Variants in MAML3 observed in about 807,000 individuals in gnomAD.
MAML3 encodes the protein mastermind-like protein 3.
In MAML3, 27 loss-of-function variants were observed where a neutral mutation model predicts 101.9. That is an observed-to-expected ratio of 0.27 (90% CI 0.20 to 0.37). The LOEUF is 0.37. MAML3 is among the 10% of genes least tolerant of loss of function. The pLI is 1.00. For synonymous variants in MAML3, 501 were observed against 555.9 expected, an observed-to-expected ratio of 0.90 and a Z score of 1.39; for missense variants, 1,316 against 1,444.9, an observed-to-expected ratio of 0.91 and a Z score of 1.45.
intron 2 of MAML3, among the ~76,000 whole-genome samples, chr4:139,747,298 G>A (rs79302306): frequency 0.1 from 15,337 of 152,222 alleles, 1,002 homozygotes; most frequent in Non-Finnish European, 0.15. Context: ...TGCAGAGCGC[G>A]GGCAACTTTC....
At chr4:140,145,186 A>G (rs962341325) in intron 1 of MAML3, among the ~76,000 whole-genome samples, 1 of 152,224 alleles carries the variant, frequency 6.6e-6, no homozygotes, top group Non-Finnish European at 1.5e-5. Context: ...GATACACAGC[A>G]GTGTAACCTA....
At chr4:140,071,025 G>C (rs564229279) in intron 1 of MAML3, among the ~76,000 whole-genome samples, 17 of 152,326 alleles carry the variant, frequency 1.1e-4, no homozygotes, top group Non-Finnish European at 1.8e-4. Context: ...ACCTAAGGAG[G>C]AAGGCAGCAT....
At chr4:140,060,268 A>T (rs1314801021) in intron 1 of MAML3, among the ~76,000 whole-genome samples, 1 of 148,672 alleles carries the variant, frequency 6.7e-6, no homozygotes, top group Non-Finnish European at 1.5e-5. Flanking sequence ...CAGGAGGCTG[A>T]GGCAGGAGAA....
At chr4:139,968,588 GTAT>G (rs1734181715) in intron 1 of MAML3, among the ~76,000 whole-genome samples, 2 of 152,040 alleles carry the variant, frequency 1.3e-5, no homozygotes, top group African/African-American at 2.4e-5. Context: ...TGCTCTTTCT[GTAT>G]TAATTTACTT....
At chr4:139,823,435 G>T (rs1457979884) in intron 2 of MAML3, among the ~76,000 whole-genome samples, 1 of 152,144 alleles carries the variant, frequency 6.6e-6, no homozygotes, top group Non-Finnish European at 1.5e-5. Context: ...CAGGGCTGGA[G>T]CAACAAAGGC....
intron 1 of MAML3, among the ~76,000 whole-genome samples, chr4:139,893,418 A>C (rs1024649223): frequency 6.6e-6 from 1 of 151,968 alleles, no homozygotes; most frequent in Non-Finnish European, 1.5e-5. Flanking sequence ...GCTTTTTCAC[A>C]CTTTGGGGCA....
intron 1 of MAML3, among the ~76,000 whole-genome samples, chr4:140,126,174 T>TA (rs542556461): frequency 0.77 from 104,276 of 134,550 alleles, 42,409 homozygotes; most frequent in East Asian, 0.94. Flanking sequence ...AAGCATTGTT[T>TA]AAAAAAAAAA....
chr4:139,771,967 C>T (rs112110527), intron 2 of MAML3, among the ~76,000 whole-genome samples: 6,975 of 150,178 alleles, frequency 0.046, 192 homozygotes, highest in South Asian at 0.08. Flanking sequence ...AGTCCGGGCG[C>T]GGTGGCTCAC....
At chr4:140,058,899 C>G (rs928691210) in intron 1 of MAML3, among the ~76,000 whole-genome samples, 1 of 152,066 alleles carries the variant, frequency 6.6e-6, no homozygotes, top group Non-Finnish European at 1.5e-5. Context: ...CGGTATGAGA[C>G]AAATGAAAGA....
chr4:139,772,818 G>A (rs973159392), intron 2 of MAML3, among the ~76,000 whole-genome samples: 32 of 150,686 alleles, frequency 2.1e-4, no homozygotes, highest in African/African-American at 7.1e-4. Context: ...TATTGCTCAC[G>A]CCTGTAATCC....
chr4:139,811,248 G>A (rs1273598102), intron 2 of MAML3, among the ~76,000 whole-genome samples: 2 of 152,218 alleles, frequency 1.3e-5, no homozygotes, highest in African/African-American at 4.8e-5. Flanking sequence ...ACAGGGCAGA[G>A]CTGGAATTTG....
At chr4:139,977,477 T>C (rs1734363099) in intron 1 of MAML3, among the ~76,000 whole-genome samples, 1 of 152,160 alleles carries the variant, frequency 6.6e-6, no homozygotes, top group Admixed American at 6.5e-5. Context: ...GCTCTGCAAA[T>C]TGCATTGTTT....
intron 1 of MAML3, among the ~76,000 whole-genome samples, chr4:139,913,231 G>A (rs1236718461): frequency 6.6e-6 from 1 of 152,222 alleles, no homozygotes; most frequent in Non-Finnish European, 1.5e-5. Flanking sequence ...TCCTGGGGCA[G>A]AAATATGTGG....
chr4:140,048,590 G>A (rs1727219650), intron 1 of MAML3, among the ~76,000 whole-genome samples: 2 of 152,182 alleles, frequency 1.3e-5, no homozygotes, highest in Non-Finnish European at 2.9e-5. Context: ...GGTAACTTGG[G>A]TCTGATGTTG....
chr4:139,896,044 T>C (rs1357534613), intron 1 of MAML3, among the ~76,000 whole-genome samples: 2 of 152,248 alleles, frequency 1.3e-5, no homozygotes, highest in Non-Finnish European at 2.9e-5. Context: ...GCATCCCTTC[T>C]GTCTGCCTCA....
At position 140,153,132 on chromosome 4, in the gene MAML3, C is replaced by T. The variant is rs1729206580; in HGVS notation, c.196G>A (p.Ala66Thr). ...ACCACGGTGCTGTGCTTGGGAACGG[C>T]CGCCGAACCGCCGCCGGGGCCCCCG... ...GSGGPGGGSA[A>T]VPKHSTVVER... Residue 66 changes from alanine to threonine, a missense_variant, in exon 1 of 5, where the codon GCC (alanine) becomes ACC (threonine). By Grantham distance (58) the Ala-to-Thr change is moderately conservative. Coordinates refer to ENST00000509479, the MANE Select transcript of MAML3 (RefSeq NM_018717.5). The T allele has an allele frequency of 1.9e-6, 3 of 1,550,026 alleles. No individual in the cohort carries two copies. The highest frequency in any genetic ancestry group is 2.6e-6 in the Non-Finnish European group (3 of 1,146,708).
chr4:140,121,865 G>T (rs1426993082), intron 1 of MAML3, among the ~76,000 whole-genome samples: 4 of 152,300 alleles, frequency 2.6e-5, no homozygotes, highest in South Asian at 2.1e-4. Context: ...GTCATGGGAG[G>T]GACCCAGTGG....
At chr4:140,053,952 G>A (rs1301171737) in intron 1 of MAML3, among the ~76,000 whole-genome samples, 1 of 152,124 alleles carries the variant, frequency 6.6e-6, no homozygotes, top group Non-Finnish European at 1.5e-5. Flanking sequence ...TACGTCAAGT[G>A]GTTAAAACTG....
intron 2 of MAML3, among the ~76,000 whole-genome samples, chr4:139,853,972 C>T (rs1450347123): frequency 6.6e-6 from 1 of 151,996 alleles, no homozygotes; most frequent in Non-Finnish European, 1.5e-5. Context: ...CAGGCATGCG[C>T]CATCATGCCC....
Sources: allele counts gnomAD v4.1 joint callset (sites outside exome capture counted in the v4.1 genomes callset), GRCh38; gene constraint gnomAD v4.1.1; transcripts MANE v1.5; gene names NCBI Gene and HGNC (gene_info 2026-07-23, HGNC 2026-07-21).